Variants in ZNF385B observed in about 807,000 individuals in gnomAD.
ZNF385B encodes zinc finger protein 385B, also known as zinc finger protein 533.
ZNF385B carries 23 observed loss-of-function variants against 39.2 expected under a neutral mutation model. The ratio of observed to expected loss-of-function variants is 0.59; its 90% confidence interval spans 0.42 to 0.83. The LOEUF is 0.83. ZNF385B is among the 40% of genes least tolerant of loss of function. The pLI, the probability that ZNF385B is intolerant of heterozygous loss-of-function variation, is 0.00. For synonymous variants in ZNF385B, 205 were observed against 222.6 expected (o/e 0.92, Z 0.70); for missense variants, 552 against 598.9 (o/e 0.92, Z 0.82).
chr2:179,646,415 A>AAAAC (rs750423190), intron 3 of ZNF385B, among the ~76,000 whole-genome samples: 3 of 152,258 alleles, frequency 2.0e-5, no homozygotes, highest in Admixed American at 6.5e-5. Flanking sequence ...TACGTCTCAA[A>AAAAC]AAACAAACAA....
chr2:179,640,906 G>A (rs111612325), intron 3 of ZNF385B, among the ~76,000 whole-genome samples: 27 of 152,194 alleles, frequency 1.8e-4, no homozygotes, highest in African/African-American at 6.5e-4. Flanking sequence ...GGATCATTTG[G>A]CACAAAATTC....
At chr2:179,525,748 A>C (rs573785630) in intron 4 of ZNF385B, among the ~76,000 whole-genome samples, 6 of 152,212 alleles carry the variant, frequency 3.9e-5, no homozygotes, top group Non-Finnish European at 8.8e-5. Flanking sequence ...AAAGGATGTG[A>C]CCATAGGGTC....
intron 3 of ZNF385B, among the ~76,000 whole-genome samples, chr2:179,760,608 G>A (rs376427222): frequency 9.2e-5 from 14 of 152,062 alleles, no homozygotes; most frequent in South Asian, 4.1e-4. Flanking sequence ...CTTGGAACCC[G>A]TGAGTGCTAT....
intron 3 of ZNF385B, among the ~76,000 whole-genome samples, chr2:179,660,622 G>T (rs1694352715): frequency 6.6e-6 from 1 of 151,694 alleles, no homozygotes; most frequent in Non-Finnish European, 1.5e-5. Context: ...TTTATTATTC[G>T]GTGCTATGAG....
chr2:179,601,931 A>G (rs2106105814), intron 3 of ZNF385B, among the ~76,000 whole-genome samples: 1 of 152,294 alleles, frequency 6.6e-6, no homozygotes, highest in South Asian at 2.1e-4. Flanking sequence ...AAGCTCTCAG[A>G]GTCAACAAGA....
At chr2:179,535,492 A>T (rs1262290657) in intron 4 of ZNF385B, among the ~76,000 whole-genome samples, 1 of 152,210 alleles carries the variant, frequency 6.6e-6, no homozygotes, top group African/African-American at 2.4e-5. Flanking sequence ...TCTCTACTAG[A>T]ATAAATGAGA....
chr2:179,730,814 A>T (rs1559139124), intron 3 of ZNF385B, among the ~76,000 whole-genome samples: 1 of 152,238 alleles, frequency 6.6e-6, no homozygotes, highest in Non-Finnish European at 1.5e-5. Context: ...ATAGAATGGT[A>T]ACAAGATAGA....
intron 3 of ZNF385B, among the ~76,000 whole-genome samples, chr2:179,623,202 A>G (rs1402344482): frequency 1.3e-5 from 2 of 152,114 alleles, no homozygotes; most frequent in African/African-American, 4.8e-5. Context: ...CGGAGAATTT[A>G]GCTCCAAAAA....
chr2:179,626,959 A>G (rs3112963), intron 3 of ZNF385B, among the ~76,000 whole-genome samples: 97,589 of 152,032 alleles, frequency 0.64, 31,442 homozygotes, highest in Admixed American at 0.72. Flanking sequence ...CATTCCCCAG[A>G]AGAAGATTAG....
At chr2:179,523,373 G>A (rs1273176562) in intron 4 of ZNF385B, among the ~76,000 whole-genome samples, 2 of 121,736 alleles carry the variant, frequency 1.6e-5, no homozygotes, top group African/African-American at 6.2e-5. Context: ...TTTTTAAAGA[G>A]CATTACTTTC....
chr2:179,799,222 C>G (rs898015268), intron 1 of ZNF385B, among the ~76,000 whole-genome samples: 1 of 151,864 alleles, frequency 6.6e-6, no homozygotes, highest in Non-Finnish European at 1.5e-5. Context: ...CATAGTCGAA[C>G]GAAAAAGGTG....
At chr2:179,709,752 A>G (rs893877298) in intron 3 of ZNF385B, among the ~76,000 whole-genome samples, 1 of 152,142 alleles carries the variant, frequency 6.6e-6, no homozygotes, top group African/African-American at 2.4e-5. Flanking sequence ...GCCACATGAT[A>G]GGCACAGATC....
At chr2:179,854,576 G>A (rs1186532510) in intron 1 of ZNF385B, among the ~76,000 whole-genome samples, 1 of 152,126 alleles carries the variant, frequency 6.6e-6, no homozygotes, top group Non-Finnish European at 1.5e-5. Flanking sequence ...CTTGAAATCA[G>A]TATAAACCAA....
At chr2:179,651,139 T>C (rs1275610665) in intron 3 of ZNF385B, among the ~76,000 whole-genome samples, 1 of 109,590 alleles carries the variant, frequency 9.1e-6, no homozygotes, top group Non-Finnish European at 1.7e-5. Flanking sequence ...TCTCCCAAGA[T>C]TTTTTTTTTT....
At chr2:179,687,549 A>T (rs1698017978) in intron 3 of ZNF385B, among the ~76,000 whole-genome samples, 1 of 152,146 alleles carries the variant, frequency 6.6e-6, no homozygotes, top group South Asian at 2.1e-4. Flanking sequence ...ACCCCAGTGA[A>T]TTATCTAGAA....
chr2:179,720,823 T>C (rs1225929426), intron 3 of ZNF385B, among the ~76,000 whole-genome samples: 1 of 151,808 alleles, frequency 6.6e-6, no homozygotes, highest in Non-Finnish European at 1.5e-5. Flanking sequence ...TGCAGTGATG[T>C]AATCACACTT....
At chr2:179,522,163 TAC>T (rs1379450872) in intron 4 of ZNF385B, among the ~76,000 whole-genome samples, 2 of 152,218 alleles carry the variant, frequency 1.3e-5, no homozygotes, top group African/African-American at 4.8e-5. Flanking sequence ...ATGCAATAAC[TAC>T]AAATACTCGA....
chr2:179,636,194 A>G (rs992511824), intron 3 of ZNF385B, among the ~76,000 whole-genome samples: 6 of 152,192 alleles, frequency 3.9e-5, no homozygotes, highest in African/African-American at 1.4e-4. Flanking sequence ...GTACATTGCA[A>G]TAACCATTTC....
At chr2:179,518,103 C>G (rs76701346) in intron 5 of ZNF385B, among the ~76,000 whole-genome samples, 7,023 of 152,110 alleles carry the variant, frequency 0.046, 537 homozygotes, top group African/African-American at 0.16. Context: ...GATATTCAAG[C>G]ATTTTTGACA....
Sources: gnomAD v4.1 joint callset for allele counts (sites outside exome capture counted in the v4.1 genomes callset) on GRCh38, gnomAD v4.1.1 for gene constraint, MANE v1.5 for transcripts, NCBI Gene and HGNC (gene_info 2026-07-23, HGNC 2026-07-21) for gene names.